DISC1: variants seen among roughly 807,000 people sequenced by gnomAD.
DISC1 encodes DISC1 scaffold protein.
A neutral mutation model predicts 84.5 loss-of-function variants in DISC1; 57 were observed. The ratio of observed to expected loss-of-function variants is 0.67; its 90% CI spans 0.55 to 0.84. DISC1 has a LOEUF of 0.84. DISC1 is among the 40% of genes least tolerant of loss of function. The probability of loss-of-function intolerance (pLI) is 0.00; values close to 1 mark genes in which losing one functional copy is unlikely to be tolerated. For synonymous variants in DISC1, 411 were observed against 415.2 expected (o/e 0.99, Z 0.12); for missense variants, 1,000 against 1,057.8 (o/e 0.95, Z 0.76).
At chr1:231,991,660 A>C (rs1248665389) in intron 10 of DISC1, among the ~76,000 whole-genome samples, 1 of 152,192 alleles carries the variant, frequency 6.6e-6, no homozygotes, top group Non-Finnish European at 1.5e-5. Context: ...GCAGAATTAC[A>C]AAAGGAAAAA....
intron 3 of DISC1, among the ~76,000 whole-genome samples, chr1:231,714,029 T>G (rs1177527086): frequency 1.3e-5 from 2 of 151,856 alleles, no homozygotes; most frequent in East Asian, 3.9e-4. Flanking sequence ...ACAAGAAAGC[T>G]GCTAGAGCTA....
chr1:231,889,044 C>A (rs1233049764), intron 9 of DISC1, among the ~76,000 whole-genome samples: 1 of 152,094 alleles, frequency 6.6e-6, no homozygotes. Flanking sequence ...GCACTGGGGC[C>A]ATTTTCCTGG....
chr1:231,980,735 A>G (rs559207206), intron 10 of DISC1, among the ~76,000 whole-genome samples: 1 of 152,320 alleles, frequency 6.6e-6, no homozygotes, highest in South Asian at 2.1e-4. Context: ...TCTTTGCTCA[A>G]GAGCCCTGAA....
chr1:231,806,264 T>C (rs1471368440), intron 8 of DISC1, among the ~76,000 whole-genome samples: 1 of 152,194 alleles, frequency 6.6e-6, no homozygotes, highest in Non-Finnish European at 1.5e-5. Flanking sequence ...TGTCACTCAG[T>C]GCTACAGGTT....
intron 10 of DISC1, among the ~76,000 whole-genome samples, chr1:231,978,190 A>G (rs1252611813): frequency 1.3e-5 from 2 of 151,972 alleles, no homozygotes; most frequent in Non-Finnish European, 1.5e-5. Flanking sequence ...ATGACTTTCT[A>G]TTGTACCACA....
chr1:232,026,351 A>C, intron 11 of DISC1, 84 bp from the exon 12 acceptor site: 8 of 873,456 alleles, frequency 9.2e-6, no homozygotes, highest in East Asian at 2.7e-5. Context: ...AGAAACTGGG[A>C]GAGCTCTTTC....
In DISC1 at chr1:231,787,432, G is replaced by T. The variant is rs533105980; in HGVS notation, c.1635-7810G>T. Among the ~76,000 whole-genome samples the T allele has an allele frequency of 7.2e-5, 11 of 152,108 alleles. No homozygotes were observed. In the South Asian group the frequency reaches 1.7e-3, roughly 23 times the overall value. On this transcript the variant is annotated intron_variant, in intron 6 of 12. Coordinates refer to ENST00000439617, the MANE Select transcript of DISC1 (RefSeq NM_018662.3). ...AGTGAGAGCATGTGTGCTAGAGAGA[G>T]CGCTGGAGAGAGAGAGACAGAGAGA...
intron 8 of DISC1, among the ~76,000 whole-genome samples, chr1:231,804,863 G>A (rs762677841): frequency 3.3e-5 from 5 of 152,116 alleles, no homozygotes; most frequent in Non-Finnish European, 5.9e-5. Context: ...ATGTTTTAGC[G>A]GAGTAGTGAC....
In DISC1 at chr1:232,036,900, C is replaced by A; in HGVS notation, c.*69C>A. On this transcript the variant is annotated 3_prime_UTR_variant, in exon 13 of 13. Coordinates refer to ENST00000439617, the MANE Select transcript of DISC1 (RefSeq NM_018662.3). ...CCCGGGGGGCTGCTCTTCCCTCCCC[C>A]GCCATAGCTAAGATGCCTGAATCAA... 1.4e-6 allele frequency: 2 copies of A among 1,406,798 alleles called. No homozygotes were observed. Among genetic ancestry groups the A allele is most frequent in the South Asian group, 1.7e-5 (1 of 59,196 alleles). 87.1% of individuals were successfully genotyped at this position (1,406,798 alleles called of 1,614,324 possible).
rs141443415 is a variant in DISC1 at position 231,963,142 on chromosome 1, AT to A, written c.2042+4255del. Among the ~76,000 whole-genome samples, 347 of 152,224 alleles carry A rather than the reference AT, an allele frequency of 2.3e-3. 4 individuals carry two copies. Among genetic ancestry groups the A allele is most frequent in the African/African-American group, 7.9e-3 (328 of 41,544 alleles). Reference sequence around the variant, plus strand: ...AAGCCTAAATGCCTTACCATGGTTCATGGCATTCTTCCATGTGGCCTCTGCA... The same window carrying A: ...AAGCCTAAATGCCTTACCATGGTTCAGGCATTCTTCCATGTGGCCTCTGCA... On this transcript the variant is annotated intron_variant, in intron 10 of 12. Coordinates refer to ENST00000439617, the MANE Select transcript of DISC1 (RefSeq NM_018662.3).
At chr1:231,801,821 GTTTTTTTTT>G (rs1270795717) in intron 8 of DISC1, among the ~76,000 whole-genome samples, 1 of 139,484 alleles carries the variant, frequency 7.2e-6, no homozygotes, top group Non-Finnish European at 1.6e-5. Flanking sequence ...AAGGATCTTG[GTTTTTTTTT>G]TTTTTTGAGT....
At chr1:231,661,241 A>G (rs2061542521) in intron 1 of DISC1, among the ~76,000 whole-genome samples, 1 of 151,170 alleles carries the variant, frequency 6.6e-6, no homozygotes, top group Non-Finnish European at 1.5e-5. Flanking sequence ...CTTCTCATGG[A>G]GGATCCTACT....
chr1:231,906,956 T>G (rs1476805104), intron 9 of DISC1, among the ~76,000 whole-genome samples: 14 of 147,996 alleles, frequency 9.5e-5, no homozygotes. Context: ...TTTCTTTCTT[T>G]GCTTTCTTTC....
At chr1:231,773,959 G>C (rs1338786235) in intron 6 of DISC1, among the ~76,000 whole-genome samples, 3 of 151,810 alleles carry the variant, frequency 2.0e-5, no homozygotes, top group African/African-American at 7.3e-5. Flanking sequence ...TGTAGGAGGA[G>C]ATCTTGGGAA....
chr1:231,964,379 C>T (rs1207231955), intron 10 of DISC1, among the ~76,000 whole-genome samples: 1 of 152,200 alleles, frequency 6.6e-6, no homozygotes, highest in Non-Finnish European at 1.5e-5. Flanking sequence ...CATACCTTAG[C>T]TACCTAGGAT....
At chr1:231,768,633 T>C (rs906162853) in intron 5 of DISC1, among the ~76,000 whole-genome samples, 8 of 152,230 alleles carry the variant, frequency 5.3e-5, no homozygotes, top group East Asian at 1.9e-4. Context: ...TATTCATTTA[T>C]TCAACAGACA....
intron 9 of DISC1, among the ~76,000 whole-genome samples, chr1:231,852,014 A>G (rs1396299829): frequency 1.3e-5 from 2 of 152,122 alleles, no homozygotes; most frequent in African/African-American, 2.4e-5. Context: ...GGACCTGTCC[A>G]GGACCTTCTA....
intron 9 of DISC1, among the ~76,000 whole-genome samples, chr1:231,918,527 C>T (rs891370929): frequency 6.6e-6 from 1 of 152,312 alleles, no homozygotes; most frequent in East Asian, 1.9e-4. Context: ...TGCCTGTGTG[C>T]ATACAACATG....
At chr1:231,685,970 G>C (rs777236120) in intron 1 of DISC1, among the ~76,000 whole-genome samples, 1 of 152,172 alleles carries the variant, frequency 6.6e-6, no homozygotes, top group Non-Finnish European at 1.5e-5. Flanking sequence ...ATCCAGTGGG[G>C]CAGTCAAATT....
Sources: allele counts gnomAD v4.1 joint callset (sites outside exome capture counted in the v4.1 genomes callset), GRCh38; gene constraint gnomAD v4.1.1; transcripts MANE v1.5; gene names NCBI Gene and HGNC (gene_info 2026-07-23, HGNC 2026-07-21).